The following NEXN variants were observed in gnomAD, a reference collection of about 807,000 sequenced individuals.
NEXN encodes nexilin.
NEXN carries 65 observed loss-of-function variants against 92.6 expected under a neutral mutation model. The observed-to-expected ratio is 0.70, with a 90% confidence interval of 0.57 to 0.86. The LOEUF is 0.86. Ranked by LOEUF, NEXN falls within the 40% of genes least tolerant of loss-of-function variation. NEXN has a pLI of 0.00. For missense variants in NEXN, 778 were observed against 771.1 expected, an observed-to-expected ratio of 1.01 and a Z score of -0.11; for synonymous variants, 254 against 242.5, an observed-to-expected ratio of 1.05 and a Z score of -0.44.
chr1:77,938,330 A>G (rs1477697713), intron 11 of NEXN, among the ~76,000 whole-genome samples: 1 of 152,152 alleles, frequency 6.6e-6, no homozygotes, highest in African/African-American at 2.4e-5. Flanking sequence ...TTGGGGATAT[A>G]TATGTGGATA....
rs1381384047 is a variant in NEXN, at chr1:77,942,149, G to T, written c.1600G>T (p.Glu534Ter). 6.2e-7 allele frequency: 1 copy of T among 1,613,758 alleles called. No homozygotes were observed. The highest frequency in any genetic ancestry group is 1.7e-5 in the Admixed American group (1 of 60,022). Reference protein sequence around the residue: ...REEEEQRRIEEQKLLRMQFEQ... With the variant: ...REEEEQRRIE ...AGAAGAAGAACAAAGAAGAATTGAAGAACAAAAGTTACTACGCATGCAGTT... is the reference window on the plus strand; with the variant it reads ...AGAAGAAGAACAAAGAAGAATTGAATAACAAAAGTTACTACGCATGCAGTT... Residue 534 changes from glutamate to a stop codon, truncating the protein, a stop_gained, in exon 12 of 13, where the codon GAA (glutamate) becomes TAA (stop). Transcript: ENST00000334785. LOFTEE classifies it high-confidence loss of function.
In NEXN at chr1:77,929,344, C is replaced by G. The variant is rs200753280; in HGVS notation, c.893C>G (p.Thr298Arg). 1.9e-4 allele frequency: 303 copies of G among 1,613,230 alleles called. No individual in the cohort carries two copies. The highest frequency in any genetic ancestry group is 1.8e-4 in the Non-Finnish European group (212 of 1,179,708). ...AATGAAGATGAGGAAAACCAAGACA[C>G]AGCAAAAATTTTTAAAGGGTACCGC... ...MVNEDEENQDTAKIFKGYRPG... is the reference protein window; with the variant it reads ...MVNEDEENQDRAKIFKGYRPG... The change falls in exon 9 of 13, where the codon ACA (threonine) becomes AGA (arginine). Residue 298 changes from threonine (T) to arginine (R), a missense_variant. Thr to Arg is a moderately conservative substitution (Grantham distance 71). Around this residue, in one of 3 missense-constraint regions of NEXN, gnomAD observed 532 missense variants for 476.7 expected, o/e 1.12. Transcript: ENST00000334785.
At chr1:77,907,155 G>A (rs575690091) in intron 1 of NEXN, among the ~76,000 whole-genome samples, 23 of 152,156 alleles carry the variant, frequency 1.5e-4, no homozygotes, top group South Asian at 4.1e-4. Context: ...GGTTTAGATA[G>A]GATAATACAG....
intron 10 of NEXN, among the ~76,000 whole-genome samples, chr1:77,934,303 AC>A (rs1293869906): frequency 1.3e-5 from 2 of 151,798 alleles, no homozygotes; most frequent in Admixed American, 1.3e-4. Flanking sequence ...GAGCCACCGC[AC>A]CCGGCCTTTT....
chr1:77,907,864 C>T (rs939563070), intron 1 of NEXN, among the ~76,000 whole-genome samples: 2 of 152,106 alleles, frequency 1.3e-5, no homozygotes, highest in Non-Finnish European at 2.9e-5. Flanking sequence ...TTTGAAGTCC[C>T]TTCTGGCCAA....
intron 11 of NEXN, among the ~76,000 whole-genome samples, chr1:77,939,913 A>AATAGT (rs1028474655): frequency 1.3e-5 from 2 of 152,146 alleles, no homozygotes; most frequent in Admixed American, 1.3e-4. Context: ...GTCTCTACTA[A>AATAGT]AAATACAAAA....
At chr1:77,922,370 C>T (rs1246638057) in intron 5 of NEXN, among the ~76,000 whole-genome samples, 2 of 151,952 alleles carry the variant, frequency 1.3e-5, no homozygotes, top group Non-Finnish European at 2.9e-5. Flanking sequence ...ACCTCATGAT[C>T]CGCCTGCCTC....
intron 1 of NEXN, among the ~76,000 whole-genome samples, chr1:77,898,371 T>A (rs955981232): frequency 6.6e-6 from 1 of 152,158 alleles, no homozygotes; most frequent in Non-Finnish European, 1.5e-5. Context: ...TCTACAACTA[T>A]CTGATCTTTG....
chr1:77,923,860 T>G lies in NEXN; in HGVS notation c.448-1328T>G, dbSNP rs143067755. Among the ~76,000 whole-genome samples, 1,076 of 151,904 alleles carry G rather than the reference T, an allele frequency of 7.1e-3. 13 individuals carry two copies. Among genetic ancestry groups the G allele is most frequent in the African/African-American group, 0.025 (1,031 of 41,456 alleles). On this transcript the variant is annotated intron_variant, in intron 5 of 12. Coordinates refer to ENST00000334785, the MANE Select transcript of NEXN (RefSeq NM_144573.4). Reference sequence around the variant, plus strand: ...ACCCAGCTAATTTTTCTATTTTTAGTAGAGACGGGGTTTCACCATGTTGGG... The same window carrying G: ...ACCCAGCTAATTTTTCTATTTTTAGGAGAGACGGGGTTTCACCATGTTGGG...
At chr1:77,935,587 T>C (rs1650683418) in intron 10 of NEXN, among the ~76,000 whole-genome samples, 1 of 152,378 alleles carries the variant, frequency 6.6e-6, no homozygotes, top group Non-Finnish European at 1.5e-5. Flanking sequence ...AACTGTATTT[T>C]TGGTTTCAAA....
chr1:77,917,719 T>C lies in NEXN; in HGVS notation c.181T>C (p.Tyr61His), dbSNP rs753755373. Residue 61 changes from tyrosine (Y) to histidine (H), a missense_variant, in exon 3 of 13, where the codon TAT becomes CAT. Tyr to His is a moderately conservative substitution (Grantham distance 83). This residue lies in a region of NEXN where 236 missense variants were observed against 265.6 expected (regional missense o/e 0.89). Transcript: ENST00000334785. ...RDEKQRRKEQ[Y>H]IREREWNRRK... Reference sequence around the variant, plus strand: ...CGAAAAACAAAGAAGAAAAGAACAATATATTAGAGAGAGAGAATGGAACAG... The same window carrying C: ...CGAAAAACAAAGAAGAAAAGAACAACATATTAGAGAGAGAGAATGGAACAG... 6.2e-7 allele frequency: 1 copy of C among 1,610,768 alleles called. No homozygotes were observed. The highest frequency in any genetic ancestry group is 1.7e-5 in the Admixed American group (1 of 59,908).
At chr1:77,904,544 T>A (rs1388234547) in intron 1 of NEXN, among the ~76,000 whole-genome samples, 1 of 152,226 alleles carries the variant, frequency 6.6e-6, no homozygotes, top group African/African-American at 2.4e-5. Flanking sequence ...AAAAGCTTTA[T>A]GTGATAGCTT....
chr1:77,926,956 TTAC>T, intron 8 of NEXN, 64 bp downstream of exon 8: 2 of 1,584,320 alleles, frequency 1.3e-6, no homozygotes, highest in East Asian at 2.2e-5. Context: ...AAGATAAGGT[TTAC>T]TACTACAAAT....
rs910472798 is a variant in NEXN at position 77,942,486 on chromosome 1, A to G, written c.1685A>G (p.Glu562Gly). The G allele has an allele frequency of 1.9e-6, 3 of 1,613,792 alleles. No individual in the cohort carries two copies. Among genetic ancestry groups the G allele is most frequent in the African/African-American group, 2.7e-5 (2 of 74,932 alleles). Reference sequence around the variant, plus strand: ...AAAAGAGAAGAGGAGGAGGAGGAAGAAGGTAGCATCATGAATGGCTCCACT... The same window carrying G: ...AAAAGAGAAGAGGAGGAGGAGGAAGGAGGTAGCATCATGAATGGCTCCACT... ...QKKREEEEEE[E>G]GSIMNGSTAE... The change falls in exon 13 of 13, where the codon GAA (glutamate) becomes GGA (glycine). Residue 562 changes from glutamate (E) to glycine (G), a missense_variant. Physicochemically the swap from Glu to Gly is moderately conservative, Grantham distance 98. Coordinates refer to ENST00000334785, the MANE Select transcript of NEXN (RefSeq NM_144573.4).
At chr1:77,923,711 T>C (rs1216185393) in intron 5 of NEXN, among the ~76,000 whole-genome samples, 2 of 149,732 alleles carry the variant, frequency 1.3e-5, no homozygotes, top group African/African-American at 4.9e-5. Context: ...AGAGGGACTC[T>C]TGCTCTGTCA....
chr1:77,937,142 C>T (rs903560155), intron 11 of NEXN, among the ~76,000 whole-genome samples: 1 of 151,206 alleles, frequency 6.6e-6, no homozygotes, highest in African/African-American at 2.4e-5. Flanking sequence ...CGTATCTGTA[C>T]AAAAAATACA....
In NEXN at chr1:77,916,044, A is replaced by G; in HGVS notation, c.-52-11A>G. Reference sequence around the variant, plus strand: ...AATTAAAATTTATTATACAATATAAATTTTTTTCAGGTGCAAATATATACA... The same window carrying G: ...AATTAAAATTTATTATACAATATAAGTTTTTTTCAGGTGCAAATATATACA... On this transcript the variant is annotated splice_polypyrimidine_tract_variant and intron_variant, in intron 1 of 12. Transcript: ENST00000334785. 1.8e-6 allele frequency: 2 copies of G among 1,102,478 alleles called. No homozygotes were observed. Among genetic ancestry groups the G allele is most frequent in the Non-Finnish European group, 2.4e-6 (2 of 822,298 alleles). The allele number at this position is 1,102,478 out of a possible 1,614,324, so 68.3% of individuals were successfully genotyped here.
chr1:77,903,626 C>T (rs1172450289), intron 1 of NEXN, among the ~76,000 whole-genome samples: 2 of 152,076 alleles, frequency 1.3e-5, no homozygotes, highest in Non-Finnish European at 2.9e-5. Flanking sequence ...GAAGGAGCAG[C>T]TGGGGCCTTT....
Position 77,929,372 on chromosome 1 carries a change from T to C in NEXN, c.921T>C (p.Pro307=), listed in dbSNP as rs1371812693. ...DTAKIFKGYR[P]GKLKLSFEEM... is the part of the protein sequence containing the mutation. The stretch of plus-strand genomic sequence containing the variant: ...CAAAAATTTTTAAAGGGTACCGCCC[T>C]GGTAAACTCAAACTCAGTTTTGAAG... The change falls in exon 9 of 13, where the codon CCT becomes CCC. Residue 307 remains proline, a synonymous_variant. Transcript: ENST00000334785. 3.7e-6 allele frequency: 6 copies of C among 1,613,532 alleles called. No homozygotes were observed. The African/African-American group carries it at 6.7e-5, about 18-fold the overall frequency.
Sources: allele counts gnomAD v4.1 joint callset (sites outside exome capture counted in the v4.1 genomes callset), GRCh38; gene constraint gnomAD v4.1.1; regional missense constraint gnomAD v4.1.1; transcripts MANE v1.5; gene names NCBI Gene and HGNC (gene_info 2026-07-23, HGNC 2026-07-21).